The following PRKCE variants were observed in gnomAD, a reference collection of about 807,000 sequenced individuals.
PRKCE encodes the protein protein kinase C epsilon.
PRKCE carries 16 observed loss-of-function variants against 85.4 expected under a neutral mutation model. That is an observed-to-expected ratio of 0.19 (90% CI 0.13 to 0.28). The LOEUF (loss-of-function observed/expected upper bound fraction) is 0.28, where lower values mean the gene tolerates loss of function less well. Ranked by LOEUF, PRKCE falls within the 10% of genes least tolerant of loss-of-function variation. The pLI is 1.00. For synonymous variants in PRKCE, 388 were observed against 371.5 expected, an observed-to-expected ratio of 1.04 and a Z score of -0.51; for missense variants, 573 against 975.2, an observed-to-expected ratio of 0.59 and a Z score of 5.49.
intron 11 of PRKCE, among the ~76,000 whole-genome samples, chr2:46,093,020 T>G (rs943773180): frequency 2.0e-5 from 3 of 152,196 alleles, no homozygotes; most frequent in Non-Finnish European, 4.4e-5. Context: ...CTTTGAGTCT[T>G]CTAGGACCTG....
chr2:45,875,992 G>T (rs1694446424), intron 2 of PRKCE, among the ~76,000 whole-genome samples: 1 of 152,184 alleles, frequency 6.6e-6, no homozygotes, highest in South Asian at 2.1e-4. Context: ...AGGTTTAGCA[G>T]CAGTGGGAAT....
intron 10 of PRKCE, among the ~76,000 whole-genome samples, chr2:46,079,689 G>A (rs1025386333): frequency 1.3e-5 from 2 of 152,198 alleles, no homozygotes; most frequent in African/African-American, 2.4e-5. Flanking sequence ...ATCTTTGCAC[G>A]TATAAACAGC....
At chr2:46,078,338 C>G (rs967396004) in intron 10 of PRKCE, 3 of 149,760 alleles carry the variant, frequency 2.0e-5, no homozygotes, top group Non-Finnish European at 4.4e-5. Flanking sequence ...GAGTTCAAAA[C>G]CAACCCGGGC....
rs867880333 is a variant in PRKCE, at chr2:45,688,327, A to C, written c.348+35879A>C. ...AAGATGTCATGGCTGCTAACTGTCT[A>C]GAAAGGGGTACATATCAGAAGAGGG... On this transcript the variant is annotated intron_variant, in intron 1 of 14. Transcript: ENST00000306156. Among the ~76,000 whole-genome samples the C allele has an allele frequency of 6.6e-5, 10 of 152,284 alleles. No individual in the cohort carries two copies. In the South Asian group the frequency reaches 1.0e-3, roughly 16 times the overall value.
chr2:45,768,641 A>G (rs953841564), intron 1 of PRKCE, among the ~76,000 whole-genome samples: 1 of 152,230 alleles, frequency 6.6e-6, no homozygotes, highest in Non-Finnish European at 1.5e-5. Context: ...TGGGCCAGAC[A>G]GAGAATGGAT....
chr2:45,791,399 G>T (rs891031764), intron 1 of PRKCE, among the ~76,000 whole-genome samples: 2 of 152,164 alleles, frequency 1.3e-5, no homozygotes, highest in African/African-American at 4.8e-5. Context: ...TACCCATGGA[G>T]CCCCAAGAGC....
chr2:45,666,971 G>T (rs1029094136), intron 1 of PRKCE, among the ~76,000 whole-genome samples: 1 of 152,126 alleles, frequency 6.6e-6, no homozygotes, highest in East Asian at 1.9e-4. Context: ...CTCCCAAGTA[G>T]CTGGGATTAT....
intron 13 of PRKCE, among the ~76,000 whole-genome samples, chr2:46,152,798 C>G (rs549634427): frequency 6.6e-6 from 1 of 152,160 alleles, no homozygotes; most frequent in Non-Finnish European, 1.5e-5. Flanking sequence ...CCACCCACCT[C>G]GGCTTCCCAA....
chr2:46,112,080 T>C (rs1299510332), intron 11 of PRKCE, among the ~76,000 whole-genome samples: 1 of 152,204 alleles, frequency 6.6e-6, no homozygotes. Flanking sequence ...CTGTTGTTAG[T>C]TGTATACCTG....
chr2:45,716,559 AAAAGAAAGAAAGGAAGAAAGGAAG>A (rs1680107142), intron 1 of PRKCE, among the ~76,000 whole-genome samples: 3 of 150,004 alleles, frequency 2.0e-5, no homozygotes, highest in Non-Finnish European at 4.5e-5. Context: ...GAAAGGAAGA[AAAAGAAAGAAAGGAAGAAAGGAAG>A]AAAGGAAGGA....
At chr2:45,719,871 G>C (rs555486335) in intron 1 of PRKCE, among the ~76,000 whole-genome samples, 1 of 152,174 alleles carries the variant, frequency 6.6e-6, no homozygotes, top group African/African-American at 2.4e-5. Context: ...GTTACAGTGA[G>C]CTATGATCTA....
intron 2 of PRKCE, among the ~76,000 whole-genome samples, chr2:45,954,455 G>A (rs1213305416): frequency 6.6e-6 from 1 of 152,146 alleles, no homozygotes; most frequent in Non-Finnish European, 1.5e-5. Context: ...CTCTGAATAG[G>A]ATGACATCAG....
In PRKCE at chr2:45,842,999, G is replaced by T; in HGVS notation, c.349-1G>T. ...AGTCACTGTCATTTTCTTAATTGCA[G>T]ATTGATCTGGAGCCAGAAGGAAGAG... On this transcript the variant is annotated splice_acceptor_variant, in intron 1 of 14. Coordinates refer to ENST00000306156, the MANE Select transcript of PRKCE (RefSeq NM_005400.3). LOFTEE classifies it high-confidence loss of function. The T allele has an allele frequency of 6.2e-7, 1 of 1,614,096 alleles. No homozygotes were observed. The highest frequency in any genetic ancestry group is 8.5e-7 in the Non-Finnish European group (1 of 1,179,958).
At chr2:45,708,220 A>G (rs1156613952) in intron 1 of PRKCE, among the ~76,000 whole-genome samples, 2 of 152,126 alleles carry the variant, frequency 1.3e-5, no homozygotes, top group East Asian at 3.9e-4. Context: ...ACAATCATCA[A>G]GTGCCACAGA....
chr2:46,115,976 C>G (rs940079718), intron 11 of PRKCE, among the ~76,000 whole-genome samples: 3 of 152,148 alleles, frequency 2.0e-5, no homozygotes, highest in African/African-American at 7.2e-5. Context: ...GAGGAAAGGA[C>G]TTGCTTTATA....
chr2:45,681,636 G>A (rs1418989541), intron 1 of PRKCE, among the ~76,000 whole-genome samples: 2 of 152,178 alleles, frequency 1.3e-5, no homozygotes, highest in Admixed American at 6.5e-5. Flanking sequence ...TGGCTCTGCT[G>A]ATTATCTCTA....
intron 2 of PRKCE, among the ~76,000 whole-genome samples, chr2:45,936,549 A>C (rs772644021): frequency 8.6e-5 from 13 of 152,032 alleles, no homozygotes; most frequent in Non-Finnish European, 1.5e-4. Context: ...GACATCCAAA[A>C]CATTGACTAG....
chr2:46,021,925 AG>A (rs1243022414), intron 10 of PRKCE, among the ~76,000 whole-genome samples: 4 of 152,182 alleles, frequency 2.6e-5, no homozygotes, highest in Non-Finnish European at 5.9e-5. Flanking sequence ...GGCCTTTCAT[AG>A]GGAGCTTCTA....
chr2:45,776,171 C>T (rs1685734356), intron 1 of PRKCE, among the ~76,000 whole-genome samples: 1 of 152,160 alleles, frequency 6.6e-6, no homozygotes. Flanking sequence ...AGAATTCTGC[C>T]TTTCAGTAAA....
Sources: allele counts gnomAD v4.1 joint callset (sites outside exome capture counted in the v4.1 genomes callset), GRCh38; gene constraint gnomAD v4.1.1; transcripts MANE v1.5; gene names NCBI Gene and HGNC (gene_info 2026-07-23, HGNC 2026-07-21).